SYNJ1: variants seen among roughly 807,000 people sequenced by gnomAD.
The protein encoded by SYNJ1 is polyphosphatidylinositol phosphatase SYNJ1.
A neutral mutation model predicts 168.2 loss-of-function variants in SYNJ1; 78 were observed. The ratio of observed to expected loss-of-function variants is 0.46; its 90% CI spans 0.39 to 0.56. SYNJ1 has a LOEUF of 0.56. Ranked by LOEUF, SYNJ1 falls within the 20% of genes least tolerant of loss-of-function variation. The pLI, the probability that SYNJ1 is intolerant of heterozygous loss-of-function variation, is 0.00. For missense variants in SYNJ1, 1,303 were observed against 1,597.6 expected (o/e 0.82, Z 3.14); for synonymous variants, 539 against 548.6 (o/e 0.98, Z 0.24).
intron 21 of SYNJ1, among the ~76,000 whole-genome samples, chr21:32,655,987 G>C: frequency 6.6e-6 from 1 of 152,134 alleles, no homozygotes; most frequent in Admixed American, 6.5e-5. Context: ...AACTGAGGCA[G>C]GGAGGGAGTC....
chr21:32,703,880 A>T (rs2042502879), intron 2 of SYNJ1, among the ~76,000 whole-genome samples: 1 of 151,674 alleles, frequency 6.6e-6, no homozygotes, highest in Admixed American at 6.6e-5. Context: ...TGTCCAGCTA[A>T]TTTTTTTTAT....
intron 10 of SYNJ1, among the ~76,000 whole-genome samples, chr21:32,683,061 A>C (rs955875668): frequency 6.6e-6 from 1 of 152,154 alleles, no homozygotes; most frequent in Admixed American, 6.5e-5. Flanking sequence ...TTTTTGAGAT[A>C]AAGAACCTCA....
At chr21:32,690,016 G>A (rs530092663) in intron 6 of SYNJ1, among the ~76,000 whole-genome samples, 3 of 152,198 alleles carry the variant, frequency 2.0e-5, no homozygotes, top group Non-Finnish European at 4.4e-5. Flanking sequence ...TCAAAACTTA[G>A]CATTTTTGTT....
chr21:32,702,947 T>C (rs576152800), intron 2 of SYNJ1, among the ~76,000 whole-genome samples: 130 of 152,386 alleles, frequency 8.5e-4, no homozygotes, highest in African/African-American at 3.1e-3. Flanking sequence ...TCCATCTTTA[T>C]TGCCAACAAA....
At chr21:32,639,536 C>T in intron 30 of SYNJ1, 135 bp downstream of exon 30, 2 of 675,398 alleles carry the variant, frequency 3.0e-6, no homozygotes, top group East Asian at 5.5e-5. Context: ...GGACCACAGG[C>T]ATGTGCCATC....
At chr21:32,695,966 C>A (rs2146183649) in intron 4 of SYNJ1, among the ~76,000 whole-genome samples, 1 of 152,192 alleles carries the variant, frequency 6.6e-6, no homozygotes, top group Middle Eastern at 3.4e-3. Context: ...CCTGCCTCAG[C>A]CTCCTGAGTA....
At chr21:32,661,311 G>C (rs111447236) in intron 18 of SYNJ1, among the ~76,000 whole-genome samples, 1 of 152,148 alleles carries the variant, frequency 6.6e-6, no homozygotes, top group Non-Finnish European at 1.5e-5. Flanking sequence ...AAGGCCCCAC[G>C]GTTCCACCCA....
intron 18 of SYNJ1, among the ~76,000 whole-genome samples, chr21:32,664,207 C>A (rs1321217404): frequency 6.6e-6 from 1 of 152,144 alleles, no homozygotes; most frequent in African/African-American, 2.4e-5. Flanking sequence ...CGCAAGTGTA[C>A]CATATGAATC....
At chr21:32,656,641 G>A in intron 21 of SYNJ1, 46 bp downstream of exon 21, 1 of 1,496,554 alleles carries the variant, frequency 6.7e-7, no homozygotes, top group Non-Finnish European at 9.1e-7. Flanking sequence ...ATATAGAAAT[G>A]ATTGTTTATG....
At chr21:32,664,515 C>T (rs1187126897) in intron 18 of SYNJ1, among the ~76,000 whole-genome samples, 1 of 151,382 alleles carries the variant, frequency 6.6e-6, no homozygotes, top group East Asian at 2.0e-4. Context: ...AAATCCCTGT[C>T]CTGTTCCATT....
intron 12 of SYNJ1, 21 bp from the exon 13 acceptor site, chr21:32,676,376 A>G (rs372221100): frequency 1.5e-5 from 24 of 1,605,522 alleles, no homozygotes; most frequent in Non-Finnish European, 1.8e-5. Context: ...AACAAGAAGA[A>G]AACAAAGAAT....
chr21:32,631,440 G>A lies in SYNJ1; in HGVS notation c.*365C>T. On this transcript the variant is annotated 3_prime_UTR_variant, in exon 33 of 33. Coordinates refer to ENST00000674351, the MANE Select transcript of SYNJ1 (RefSeq NM_203446.3). Reference sequence around the variant, plus strand: ...CTCTTCTTTGGAGAACCATGAAGTTGCCTCTGATTCTTCAGACTTGGCTCT... The same window carrying A: ...CTCTTCTTTGGAGAACCATGAAGTTACCTCTGATTCTTCAGACTTGGCTCT... 6.2e-7 allele frequency: 1 copy of A among 1,614,176 alleles called. No homozygotes were observed. Among genetic ancestry groups the A allele is most frequent in the Non-Finnish European group, 8.5e-7 (1 of 1,180,024 alleles).
chr21:32,673,235 T>G (rs1441269780), intron 14 of SYNJ1, 105 bp downstream of exon 14: 2 of 982,218 alleles, frequency 2.0e-6, no homozygotes, highest in Non-Finnish European at 2.8e-6. Flanking sequence ...TAGCTCCAAG[T>G]TTCTTTCATC....
Position 32,629,387 on chromosome 21 carries a change from T to C in SYNJ1, c.*2418A>G, listed in dbSNP as rs745810718. On this transcript the variant is annotated 3_prime_UTR_variant, in exon 33 of 33. Transcript: ENST00000674351. ...CACAATATAAAACTCACAAGAGTTA[T>C]TTCTAACAGCAAATCTTGGCTGTTA... 1.3e-5 allele frequency: 2 copies of C among 152,652 alleles called. No homozygotes were observed. Among genetic ancestry groups the C allele is most frequent in the Admixed American group, 1.3e-4 (2 of 15,282 alleles). 9.5% of individuals were successfully genotyped at this position (152,652 alleles called of 1,614,324 possible).
chr21:32,680,977 G>C (rs2041599788), intron 11 of SYNJ1, among the ~76,000 whole-genome samples: 1 of 152,148 alleles, frequency 6.6e-6, no homozygotes, highest in Non-Finnish European at 1.5e-5. Context: ...GATAAGTAAA[G>C]ATCAATTATG....
intron 2 of SYNJ1, among the ~76,000 whole-genome samples, chr21:32,720,204 A>C (rs1329176964): frequency 1.3e-5 from 2 of 152,190 alleles, no homozygotes; most frequent in Non-Finnish European, 2.9e-5. Context: ...GCACCATTGC[A>C]CTCCAGCTTG....
chr21:32,692,278 T>G (rs975426208), intron 6 of SYNJ1, among the ~76,000 whole-genome samples: 1 of 152,252 alleles, frequency 6.6e-6, no homozygotes, highest in East Asian at 1.9e-4. Flanking sequence ...AGAACTTGGT[T>G]AAAAATGAGG....
chr21:32,631,637 A>G lies in SYNJ1; in HGVS notation c.*168T>C. ...AACTCAAAACATTACTTTGCGTTGC[A>G]GAAGGCAACTGAATCAACCTCTTTG... On this transcript the variant is annotated 3_prime_UTR_variant, in exon 33 of 33. Transcript: ENST00000674351. 5 of 1,614,198 alleles carry G rather than the reference A, an allele frequency of 3.1e-6. No homozygotes were observed. The highest frequency in any genetic ancestry group is 4.2e-6 in the Non-Finnish European group (5 of 1,180,046).
intron 18 of SYNJ1, 45 bp downstream of exon 18, chr21:32,664,868 C>G: frequency 6.7e-7 from 1 of 1,491,288 alleles, no homozygotes; most frequent in Non-Finnish European, 9.0e-7. Flanking sequence ...GCATGTTTCA[C>G]GACCCAAAAT....
Sources: gnomAD v4.1 joint callset for allele counts (sites outside exome capture counted in the v4.1 genomes callset) on GRCh38, gnomAD v4.1.1 for gene constraint, MANE v1.5 for transcripts, NCBI Gene and HGNC (gene_info 2026-07-23, HGNC 2026-07-21) for gene names.